The following LRRC37A2 variants were observed in gnomAD, a reference collection of about 807,000 sequenced individuals.
The protein encoded by LRRC37A2 is leucine rich repeat containing 37 member A2, also known as leucine-rich repeat-containing protein 37A2.
LRRC37A2 carries 9 observed loss-of-function variants against 68.8 expected under a neutral mutation model. That is an observed-to-expected ratio of 0.13 (90% CI 0.08 to 0.23). The LOEUF is 0.23. LRRC37A2 is among the 10% of genes least tolerant of loss of function. LRRC37A2 has a pLI of 1.00. For missense variants in LRRC37A2, 168 were observed against 950.4 expected (o/e 0.18, Z 10.82); for synonymous variants, 63 against 367.6 (o/e 0.17, Z 9.48).
At chr17:46,756,458 C>T in the LRRC37A2 span, 2 of 152,236 alleles carry the variant, frequency 1.3e-5, no homozygotes, top group Non-Finnish European at 2.9e-5. Context: ...AGTCAGATGA[C>T]TACCGTGTTG....
the LRRC37A2 span, among the ~76,000 whole-genome samples, chr17:46,746,569 G>T: frequency 6.6e-6 from 1 of 151,990 alleles, no homozygotes; most frequent in Non-Finnish European, 1.5e-5. Context: ...CTTTACTGAA[G>T]ACTTATCTAT....
At chr17:46,768,121 C>T in the LRRC37A2 span, among the ~76,000 whole-genome samples, 13 of 152,184 alleles carry the variant, frequency 8.5e-5, no homozygotes, top group Admixed American at 7.2e-4. The surrounding 1 kb of genome is among the most constrained non-coding windows in gnomAD (Gnocchi z 5.0). Context: ...TTGTGCAATC[C>T]ACCAAGTCTC....
chr17:47,021,431 G>A, the LRRC37A2 span, among the ~76,000 whole-genome samples: 1 of 95,854 alleles, frequency 1.0e-5, no homozygotes. Context: ...CTGGGCCAAA[G>A]CTTTGGTGTT....
the LRRC37A2 span, among the ~76,000 whole-genome samples, chr17:46,710,476 C>CTA: frequency 1.3e-5 from 2 of 152,208 alleles, no homozygotes; most frequent in Admixed American, 1.3e-4. Context: ...TGCCATTTAA[C>CTA]TATGTCCCCT....
the LRRC37A2 span, among the ~76,000 whole-genome samples, chr17:46,908,270 C>T: frequency 4.6e-5 from 7 of 151,930 alleles, no homozygotes; most frequent in Non-Finnish European, 7.4e-5. Context: ...TGGCCCGCAG[C>T]GGGAAGGGGG....
the LRRC37A2 span, among the ~76,000 whole-genome samples, chr17:46,458,576 T>C: frequency 6.8e-5 from 5 of 74,062 alleles, no homozygotes. Context: ...AGTTTTGCTC[T>C]TGTTGCCCAG....
the LRRC37A2 span, chr17:47,034,996 C>T: frequency 6.6e-6 from 1 of 151,986 alleles, no homozygotes; most frequent in Admixed American, 6.6e-5. Flanking sequence ...GGAGGGGGAT[C>T]ACAAGGCAGG....
chr17:46,875,208 T>C, the LRRC37A2 span: 1 of 1,614,108 alleles, frequency 6.2e-7, no homozygotes, highest in Non-Finnish European at 8.5e-7. Flanking sequence ...CTGTGATGAC[T>C]CTCCGGGGCT....
the LRRC37A2 span, among the ~76,000 whole-genome samples, chr17:47,020,546 G>A: frequency 1.3e-4 from 19 of 151,070 alleles, no homozygotes; most frequent in African/African-American, 3.9e-4. Context: ...TTGGGAGGCC[G>A]AGGTGGGCGG....
the LRRC37A2 span, among the ~76,000 whole-genome samples, chr17:46,747,046 A>G: frequency 6.6e-6 from 1 of 152,144 alleles, no homozygotes; most frequent in African/African-American, 2.4e-5. Flanking sequence ...ATGTACACAT[A>G]CTGACCTTTG....
At chr17:46,820,515 C>A in the LRRC37A2 span, among the ~76,000 whole-genome samples, 2 of 151,872 alleles carry the variant, frequency 1.3e-5, no homozygotes, top group South Asian at 2.1e-4. Flanking sequence ...AGCTGCAAGG[C>A]GAAGAAAAAT....
At chr17:46,859,546 TA>T in the LRRC37A2 span, among the ~76,000 whole-genome samples, 20 of 152,232 alleles carry the variant, frequency 1.3e-4, no homozygotes, top group East Asian at 1.9e-4. Context: ...ACAGTAGCTT[TA>T]AAAAAAATTT....
chr17:46,635,826 T>C, the LRRC37A2 span, among the ~76,000 whole-genome samples: 2 of 134,176 alleles, frequency 1.5e-5, no homozygotes, highest in Non-Finnish European at 3.3e-5. Context: ...TGTGCTCGTG[T>C]GTGAAGCCTT....
chr17:46,392,538 C>T, the LRRC37A2 span, among the ~76,000 whole-genome samples: 1 of 28,480 alleles, frequency 3.5e-5, no homozygotes. Flanking sequence ...TCTCTCTCTT[C>T]CTTTCTTCCT....
chr17:46,978,729 G>C, the LRRC37A2 span: 1 of 1,612,428 alleles, frequency 6.2e-7, no homozygotes. Context: ...TCTCGGACTT[G>C]ATGAGCAGGT....
At chr17:47,027,503 C>G in the LRRC37A2 span, 2 of 830,456 alleles carry the variant, frequency 2.4e-6, no homozygotes, top group Non-Finnish European at 4.1e-6. Flanking sequence ...ATTATTCATA[C>G]CAATCAACAT....
the LRRC37A2 span, among the ~76,000 whole-genome samples, chr17:46,990,167 G>A: frequency 2.0e-5 from 3 of 152,206 alleles, no homozygotes; most frequent in Non-Finnish European, 4.4e-5. Flanking sequence ...TGGAAAGATA[G>A]AGAAAACCTA....
At chr17:46,974,832 G>T in the LRRC37A2 span, among the ~76,000 whole-genome samples, 10 of 152,166 alleles carry the variant, frequency 6.6e-5, no homozygotes, top group South Asian at 2.1e-3. Context: ...TGGAGCCTCA[G>T]TTTCCTCATC....
At chr17:46,897,940 C>T in the LRRC37A2 span, among the ~76,000 whole-genome samples, 2 of 152,090 alleles carry the variant, frequency 1.3e-5, no homozygotes, top group Non-Finnish European at 2.9e-5. Flanking sequence ...CACCCAGGAC[C>T]CAGGTGAGGA....
Sources: gnomAD v4.1 joint callset for allele counts (sites outside exome capture counted in the v4.1 genomes callset) on GRCh38, gnomAD v4.1.1 for gene constraint, Gnocchi (gnomAD v3.1) non-coding constraint, MANE v1.5 for transcripts, NCBI Gene and HGNC (gene_info 2026-07-23, HGNC 2026-07-21) for gene names.